Variants in LRBA observed in about 807,000 individuals in gnomAD.
LRBA encodes LPS responsive beige-like anchor protein, also known as lipopolysaccharide-responsive and beige-like anchor protein.
Under a neutral mutation model 330.0 loss-of-function variants are expected in LRBA, and 176 were observed. The observed-to-expected ratio is 0.53, with a 90% CI of 0.47 to 0.60. LRBA has a LOEUF of 0.60. Among genes scored for constraint, LRBA ranks in the 20% least tolerant of loss-of-function variants. The probability of loss-of-function intolerance (pLI) is 0.00; values close to 1 mark genes in which losing one functional copy is unlikely to be tolerated. For missense variants in LRBA, 3,259 were observed against 3,444.8 expected (o/e 0.95, Z 1.35); for synonymous variants, 1,230 against 1,193.0 (o/e 1.03, Z -0.64).
intron 13 of LRBA, among the ~76,000 whole-genome samples, chr4:150,904,157 G>A (rs552879403): frequency 6.6e-6 from 1 of 152,332 alleles, no homozygotes; most frequent in South Asian, 2.1e-4. Flanking sequence ...ACCAGAGGTG[G>A]ATTGACCACG....
intron 40 of LRBA, chr4:150,579,710 C>T (rs780207719): frequency 2.0e-5 from 9 of 456,590 alleles, no homozygotes; most frequent in South Asian, 1.4e-4. Flanking sequence ...AAGGTCCGCT[C>T]GGCCTGGGAC....
At chr4:150,508,502 T>C (rs1437838999) in intron 40 of LRBA, among the ~76,000 whole-genome samples, 1 of 152,162 alleles carries the variant, frequency 6.6e-6, no homozygotes, top group African/African-American at 2.4e-5. Context: ...TTGGCTAGGC[T>C]GGTCTCGAAC....
At chr4:150,408,574 T>A (rs1746520104) in intron 47 of LRBA, among the ~76,000 whole-genome samples, 1 of 152,090 alleles carries the variant, frequency 6.6e-6, no homozygotes, top group Non-Finnish European at 1.5e-5. Context: ...TAAAGTCAGA[T>A]GAGGATATCA....
chr4:150,674,047 C>T (rs1782311036), intron 37 of LRBA, among the ~76,000 whole-genome samples: 1 of 151,990 alleles, frequency 6.6e-6, no homozygotes, highest in South Asian at 2.1e-4. Flanking sequence ...TTGTGAGATG[C>T]CTTGAGCAGC....
chr4:150,833,650 A>T lies in LRBA; in HGVS notation c.4570-1674T>A, dbSNP rs1747554475. ...GCTTAAAAATGCTAACAATTATCTGAACTTTCAGTGAGTCACAATCTTTTT... is the reference window on the plus strand; with the variant it reads ...GCTTAAAAATGCTAACAATTATCTGTACTTTCAGTGAGTCACAATCTTTTT... On this transcript the variant is annotated intron_variant, in intron 28 of 56. Coordinates refer to ENST00000651943, the MANE Select transcript of LRBA (RefSeq NM_001364905.1). Among the ~76,000 whole-genome samples, 2 of 152,198 alleles carry T rather than the reference A, an allele frequency of 1.3e-5. 1 individual carries two copies. Among genetic ancestry groups the T allele is most frequent in the South Asian group, 4.1e-4 (2 of 4,838 alleles).
intron 36 of LRBA, among the ~76,000 whole-genome samples, chr4:150,687,248 T>C (rs1353129062): frequency 6.6e-6 from 1 of 152,110 alleles, no homozygotes; most frequent in Non-Finnish European, 1.5e-5. Flanking sequence ...TTCAAAGTCA[T>C]GTGGAGATAA....
intron 40 of LRBA, among the ~76,000 whole-genome samples, chr4:150,557,021 T>C (rs1465298922): frequency 6.6e-6 from 1 of 152,196 alleles, no homozygotes; most frequent in Non-Finnish European, 1.5e-5. Flanking sequence ...TGGTTTCTAA[T>C]AGCATTCTTC....
intron 35 of LRBA, among the ~76,000 whole-genome samples, chr4:150,742,540 A>G (rs533442516): frequency 6.6e-6 from 1 of 152,240 alleles, no homozygotes; most frequent in South Asian, 2.1e-4. Context: ...GTCATCAACA[A>G]TGACATGAAC....
intron 40 of LRBA, among the ~76,000 whole-genome samples, chr4:150,491,816 A>G (rs1197806383): frequency 6.6e-6 from 1 of 152,146 alleles, no homozygotes; most frequent in Admixed American, 6.5e-5. Context: ...GTTCATTTCA[A>G]AAGCTTAATT....
At chr4:150,773,767 T>A (rs970380092) in intron 34 of LRBA, among the ~76,000 whole-genome samples, 10 of 152,210 alleles carry the variant, frequency 6.6e-5, no homozygotes, top group Admixed American at 6.5e-4. Flanking sequence ...ATTCCAACTA[T>A]GCATTCCAGA....
At chr4:150,275,911 T>A (rs974814370) in intron 56 of LRBA, among the ~76,000 whole-genome samples, 4 of 152,198 alleles carry the variant, frequency 2.6e-5, no homozygotes, top group Non-Finnish European at 5.9e-5. Context: ...TTGACTTTCT[T>A]CACAGAATTA....
chr4:151,003,645 T>C (rs1027731616), intron 2 of LRBA, among the ~76,000 whole-genome samples: 5 of 151,322 alleles, frequency 3.3e-5, no homozygotes, highest in Non-Finnish European at 7.4e-5. Context: ...ATTTTAAAAT[T>C]AGCCAGCTGT....
intron 44 of LRBA, among the ~76,000 whole-genome samples, chr4:150,440,316 A>T (rs1751657171): frequency 6.6e-6 from 1 of 152,216 alleles, no homozygotes; most frequent in Non-Finnish European, 1.5e-5. Flanking sequence ...ATAATTTTAA[A>T]CACTACAAAA....
intron 40 of LRBA, among the ~76,000 whole-genome samples, chr4:150,516,499 A>C (rs2152147162): frequency 6.6e-6 from 1 of 152,062 alleles, no homozygotes; most frequent in East Asian, 1.9e-4. Context: ...TGACTGATAA[A>C]GTCAAATAGT....
intron 53 of LRBA, among the ~76,000 whole-genome samples, chr4:150,286,810 T>C (rs1473409078): frequency 1.3e-5 from 2 of 152,144 alleles, no homozygotes; most frequent in Non-Finnish European, 2.9e-5. Flanking sequence ...AGAAAACGTA[T>C]GGTTGGTTGG....
At chr4:150,587,201 C>T (rs2126430698) in intron 40 of LRBA, among the ~76,000 whole-genome samples, 1 of 152,242 alleles carries the variant, frequency 6.6e-6, no homozygotes, top group South Asian at 2.1e-4. Flanking sequence ...CTAAATCATT[C>T]AGATTTAAAA....
intron 2 of LRBA, among the ~76,000 whole-genome samples, chr4:151,005,050 A>T (rs756795029): frequency 6.6e-6 from 1 of 152,178 alleles, no homozygotes; most frequent in Non-Finnish European, 1.5e-5. Flanking sequence ...GGAAATAGTC[A>T]AGAAATAGTC....
chr4:150,389,491 G>T (rs1387394850), intron 47 of LRBA, among the ~76,000 whole-genome samples: 2 of 151,972 alleles, frequency 1.3e-5, no homozygotes, highest in Non-Finnish European at 2.9e-5. Context: ...CAGATTGCTT[G>T]AGGCCAGGAG....
At chr4:150,840,679 G>C in intron 28 of LRBA, 1 of 159,012 alleles carries the variant, frequency 6.3e-6, no homozygotes, top group Non-Finnish European at 1.4e-5. Flanking sequence ...TAATGAAAAG[G>C]TTTGAAATAT....
Sources: gnomAD v4.1 joint callset for allele counts (sites outside exome capture counted in the v4.1 genomes callset) on GRCh38, gnomAD v4.1.1 for gene constraint, MANE v1.5 for transcripts, NCBI Gene and HGNC (gene_info 2026-07-23, HGNC 2026-07-21) for gene names.